Variants in SNX8 observed in about 807,000 individuals in gnomAD.
The protein encoded by SNX8 is sorting nexin-8.
Under a neutral mutation model 51.6 loss-of-function variants are expected in SNX8, and 25 were observed. That is an observed-to-expected ratio of 0.48 (90% confidence interval 0.35 to 0.68). SNX8 has a LOEUF of 0.68. Among genes scored for constraint, SNX8 ranks in the 30% least tolerant of loss-of-function variants. The probability of loss-of-function intolerance (pLI) is 0.00; values close to 1 mark genes in which losing one functional copy is unlikely to be tolerated. For synonymous variants in SNX8, 324 were observed against 277.0 expected (o/e 1.17, Z -1.68); for missense variants, 695 against 624.0 (o/e 1.11, Z -1.21).
rs137973485 is a variant in SNX8 at position 2,259,953 on chromosome 7, A to C, written c.916-2150T>G. Among the ~76,000 whole-genome samples, 3 of 152,154 alleles carry C rather than the reference A, an allele frequency of 2.0e-5. No individual in the cohort carries two copies. The South Asian group carries it at 6.2e-4, about 31-fold the overall frequency. Reference sequence around the variant, plus strand: ...AGAATTGTCTTGAGCCACACATAAAATACGCTAACACTATGATAGCTGATG... The same window carrying C: ...AGAATTGTCTTGAGCCACACATAAACTACGCTAACACTATGATAGCTGATG... On this transcript the variant is annotated intron_variant, in intron 7 of 10. Coordinates refer to ENST00000222990, the MANE Select transcript of SNX8 (RefSeq NM_013321.4).
intron 1 of SNX8, among the ~76,000 whole-genome samples, chr7:2,330,131 C>CT (rs1330990013): frequency 7.9e-6 from 1 of 126,522 alleles, no homozygotes; most frequent in Non-Finnish European, 1.6e-5. Flanking sequence ...GCGCCCGGCC[C>CT]TTTTTTCTTT....
In SNX8 at chr7:2,328,047, TTTTA is replaced by T. The variant is rs200963304; in HGVS notation, c.-66+26171_-66+26174del. Reference sequence around the variant, plus strand: ...TGTCCAACCTATTTTTTTATTTTGATTTTATTTGTTTGTTTGTTTTGAGATGGAG... The same window carrying T: ...TGTCCAACCTATTTTTTTATTTTGATTTTGTTTGTTTGTTTTGAGATGGAG... On this transcript the variant is annotated intron_variant, in intron 1 of 5. Transcript: ENST00000435336. 2.3e-3 allele frequency among the ~76,000 whole-genome samples: 345 copies of T among 151,614 alleles called. 2 individuals carry two copies. The highest frequency in any genetic ancestry group is 6.8e-3 in the East Asian group (35 of 5,134).
chr7:2,346,574 C>T (rs1400180714), intron 1 of SNX8, among the ~76,000 whole-genome samples: 41 of 151,424 alleles, frequency 2.7e-4, no homozygotes, highest in East Asian at 2.3e-3. Context: ...AGTGAAACCC[C>T]GTCTCTACTA....
intron 10 of SNX8, 86 bp downstream of exon 10, chr7:2,256,788 G>A: frequency 2.8e-6 from 4 of 1,425,746 alleles, no homozygotes; most frequent in Non-Finnish European, 3.8e-6. Context: ...AGGGCGGCCG[G>A]CCACCGCGCT....
chr7:2,307,175 AG>A (rs1796561081), intron 1 of SNX8, among the ~76,000 whole-genome samples: 1 of 152,112 alleles, frequency 6.6e-6, no homozygotes, highest in African/African-American at 2.4e-5. Flanking sequence ...ACCCCTCCTC[AG>A]TCCTCCCAAA....
At chr7:2,301,138 A>C (rs1423385829) in intron 1 of SNX8, among the ~76,000 whole-genome samples, 1 of 152,236 alleles carries the variant, frequency 6.6e-6, no homozygotes, top group African/African-American at 2.4e-5. Context: ...ATTTATGAGA[A>C]AGGTCTGTGC....
chr7:2,339,820 A>G (rs1778889760), intron 1 of SNX8, among the ~76,000 whole-genome samples: 1 of 152,174 alleles, frequency 6.6e-6, no homozygotes, highest in African/African-American at 2.4e-5. Context: ...AAGAACACGT[A>G]GATTTATTTT....
At chr7:2,300,918 C>G (rs2115184098) in intron 1 of SNX8, among the ~76,000 whole-genome samples, 1 of 152,274 alleles carries the variant, frequency 6.6e-6, no homozygotes, top group South Asian at 2.1e-4. Context: ...GCTGGGATTA[C>G]AGGCGTGAGT....
chr7:2,338,478 T>A (rs1323968694), intron 1 of SNX8, among the ~76,000 whole-genome samples: 23 of 129,584 alleles, frequency 1.8e-4, no homozygotes, highest in African/African-American at 2.9e-4. Flanking sequence ...AAAAAAAAAA[T>A]ACAAAAAATT....
chr7:2,296,200 TC>T (rs1384878801), intron 1 of SNX8, among the ~76,000 whole-genome samples: 1 of 152,082 alleles, frequency 6.6e-6, no homozygotes, highest in Non-Finnish European at 1.5e-5. Flanking sequence ...ATTCTCCCAA[TC>T]CCTGAGCACG....
intron 1 of SNX8, among the ~76,000 whole-genome samples, chr7:2,279,616 T>C (rs925431801): frequency 5.9e-5 from 9 of 151,946 alleles, no homozygotes; most frequent in African/African-American, 2.2e-4. Context: ...CCATGCGTGG[T>C]GGCTCACTGG....
intron 1 of SNX8, among the ~76,000 whole-genome samples, chr7:2,338,263 C>T (rs1189684269): frequency 6.6e-6 from 1 of 151,904 alleles, no homozygotes; most frequent in African/African-American, 2.4e-5. Context: ...GAGATCAAGA[C>T]CATCCTGGCT....
At chr7:2,353,446 C>T (rs990650791) in intron 1 of SNX8, among the ~76,000 whole-genome samples, 1 of 150,074 alleles carries the variant, frequency 6.7e-6, no homozygotes, top group Non-Finnish European at 1.5e-5. Flanking sequence ...ACCTTTTTGG[C>T]ATTTTATTTT....
At chr7:2,288,515 C>G (rs1796083624) in intron 1 of SNX8, 1 of 166,562 alleles carries the variant, frequency 6.0e-6, no homozygotes, top group Non-Finnish European at 1.5e-5. Flanking sequence ...CTCCCTTTCC[C>G]TACTCAAAGT....
chr7:2,275,815 G>C (rs1454601492), intron 2 of SNX8, among the ~76,000 whole-genome samples: 1 of 151,802 alleles, frequency 6.6e-6, no homozygotes, highest in Non-Finnish European at 1.5e-5. Context: ...TGGCCAACAC[G>C]GTGAAACCTC....
At chr7:2,314,576 G>A, upstream of SNX8, 1 of 704,982 alleles carries the variant, frequency 1.4e-6, no homozygotes, top group Non-Finnish European at 1.8e-6. Flanking sequence ...CGCGCTCCTC[G>A]CCCGGCCTCG....
chr7:2,344,763 A>C (rs1478876357), intron 1 of SNX8, among the ~76,000 whole-genome samples: 1 of 151,574 alleles, frequency 6.6e-6, no homozygotes, highest in East Asian at 2.0e-4. Flanking sequence ...TATACCAACA[A>C]CACGAAAATT....
intron 10 of SNX8, 87 bp from the exon 11 acceptor site, chr7:2,255,256 G>T: frequency 1.2e-6 from 1 of 850,796 alleles, no homozygotes; most frequent in Non-Finnish European, 1.8e-6. Context: ...GCCTGCCAGT[G>T]ACAGGGAGGG....
chr7:2,271,906 G>A lies in SNX8; in HGVS notation c.484C>T (p.His162Tyr), dbSNP rs922122198. The A allele has an allele frequency of 6.2e-7, 1 of 1,613,964 alleles. No individual in the cohort carries two copies. Residue 162 changes from histidine to tyrosine, a missense_variant, in exon 4 of 11, where the codon CAC (histidine) becomes TAC (tyrosine). Physicochemically the swap from His to Tyr is moderately conservative, Grantham distance 83. Coordinates refer to ENST00000222990, the MANE Select transcript of SNX8 (RefSeq NM_013321.4). The part of the protein sequence containing the change: ...LKRFVNLVAR[H>Y]PLFSEDVVLK... ...ACCACATCCTCGGAGAACAGGGGGT[G>A]TCGCGCCACCAGGTTGACGAAGCGC...
Sources: gnomAD v4.1 joint callset for allele counts (sites outside exome capture counted in the v4.1 genomes callset) on GRCh38, gnomAD v4.1.1 for gene constraint, MANE v1.5 for transcripts, NCBI Gene and HGNC (gene_info 2026-07-23, HGNC 2026-07-21) for gene names.